The following ZMAT4 variants were observed in gnomAD, a reference collection of about 807,000 sequenced individuals.
The protein encoded by ZMAT4 is zinc finger matrin-type protein 4.
ZMAT4 carries 17 observed loss-of-function variants against 28.7 expected under a neutral mutation model. The observed-to-expected ratio is 0.59, with a 90% confidence interval of 0.41 to 0.89. The LOEUF is 0.89. Among genes scored for constraint, ZMAT4 ranks in the 40% least tolerant of loss-of-function variants. ZMAT4 has a pLI of 0.00. For missense variants in ZMAT4, 240 were observed against 283.8 expected (o/e 0.85, Z 1.11); for synonymous variants, 117 against 109.2 (o/e 1.07, Z -0.44).
At chr8:40,752,653 A>C (rs1563458532) in intron 3 of ZMAT4, among the ~76,000 whole-genome samples, 1 of 152,140 alleles carries the variant, frequency 6.6e-6, no homozygotes, top group Non-Finnish European at 1.5e-5. Flanking sequence ...CTTTGGTCTT[A>C]CACTAATTAT....
chr8:40,752,312 C>T (rs1812484416), intron 3 of ZMAT4, among the ~76,000 whole-genome samples: 1 of 152,204 alleles, frequency 6.6e-6, no homozygotes, highest in Non-Finnish European at 1.5e-5. Context: ...CTTGCCCTGA[C>T]TTCTCCTCCT....
chr8:40,555,085 T>C (rs1259174596), intron 6 of ZMAT4, among the ~76,000 whole-genome samples: 1 of 152,212 alleles, frequency 6.6e-6, no homozygotes, highest in Non-Finnish European at 1.5e-5. Flanking sequence ...TTTGCCTTTC[T>C]GTGCCTGGCT....
chr8:40,625,666 GGGA>G (rs1383584410), intron 5 of ZMAT4, among the ~76,000 whole-genome samples: 1 of 152,124 alleles, frequency 6.6e-6, no homozygotes, highest in East Asian at 1.9e-4. Flanking sequence ...GGGAGAGATG[GGGA>G]GGAGATCACT....
chr8:40,615,238 A>G (rs1805956326), intron 5 of ZMAT4, among the ~76,000 whole-genome samples: 1 of 152,164 alleles, frequency 6.6e-6, no homozygotes, highest in African/African-American at 2.4e-5. Flanking sequence ...TTCTTTAAGA[A>G]TGTTGAATAT....
intron 3 of ZMAT4, among the ~76,000 whole-genome samples, chr8:40,761,298 C>T (rs1030938636): frequency 1.3e-5 from 2 of 152,040 alleles, no homozygotes; most frequent in African/African-American, 4.8e-5. Context: ...GCTAATTTTT[C>T]AAAGGGGCTT....
intron 3 of ZMAT4, among the ~76,000 whole-genome samples, chr8:40,760,289 A>G (rs1812870864): frequency 6.6e-6 from 1 of 152,122 alleles, no homozygotes; most frequent in South Asian, 2.1e-4. Flanking sequence ...ACTTCCATAT[A>G]TGATCAGTCC....
At position 40,671,627 on chromosome 8, in the gene ZMAT4, T is replaced by C. The variant is rs571033366; in HGVS notation, c.577+3077A>G. Among the ~76,000 whole-genome samples, 5 of 152,222 alleles carry C rather than the reference T, an allele frequency of 3.3e-5. No individual in the cohort carries two copies. The East Asian group carries it at 7.7e-4, about 24-fold the overall frequency. ...TTTTAGAACAAGCAAAACTAATCTATGATGAAAAAATGAGAAAAGTGGTTC... is the reference window on the plus strand; with the variant it reads ...TTTTAGAACAAGCAAAACTAATCTACGATGAAAAAATGAGAAAAGTGGTTC... On this transcript the variant is annotated intron_variant, in intron 5 of 6. Transcript: ENST00000297737.
At chr8:40,536,536 C>A (rs776144074) in intron 6 of ZMAT4, among the ~76,000 whole-genome samples, 24 of 152,122 alleles carry the variant, frequency 1.6e-4, no homozygotes, top group Non-Finnish European at 2.9e-4. Flanking sequence ...CTCATTATTC[C>A]TTGCGATTAC....
chr8:40,532,797 A>T (rs182062847), intron 6 of ZMAT4, among the ~76,000 whole-genome samples: 2 of 152,268 alleles, frequency 1.3e-5, no homozygotes, highest in East Asian at 3.9e-4. Context: ...GGATATCAAG[A>T]CTATCCTGGC....
At chr8:40,589,720 C>CTT (rs1279672853) in intron 5 of ZMAT4, among the ~76,000 whole-genome samples, 9,101 of 138,356 alleles carry the variant, frequency 0.066, 609 homozygotes, top group East Asian at 0.41. Context: ...TTCCTTCTTC[C>CTT]TTCTTCCTTT....
intron 1 of ZMAT4, chr8:40,888,557 A>G (rs1818552912): frequency 6.6e-6 from 1 of 152,302 alleles, no homozygotes; most frequent in Non-Finnish European, 1.5e-5. Context: ...CATGCCCATC[A>G]GAGCCGTCAC....
At chr8:40,540,809 C>CTCTGAT (rs1310060137) in intron 6 of ZMAT4, among the ~76,000 whole-genome samples, 1 of 152,178 alleles carries the variant, frequency 6.6e-6, no homozygotes, top group Non-Finnish European at 1.5e-5. Flanking sequence ...TAGCAAACCT[C>CTCTGAT]TCTGATTCTG....
At chr8:40,883,361 C>T (rs1818344681) in intron 1 of ZMAT4, among the ~76,000 whole-genome samples, 1 of 152,172 alleles carries the variant, frequency 6.6e-6, no homozygotes, top group Non-Finnish European at 1.5e-5. Flanking sequence ...ATTAGGTGTT[C>T]CATTTCGTCA....
At chr8:40,735,379 G>A (rs1563445445) in intron 3 of ZMAT4, among the ~76,000 whole-genome samples, 1 of 152,066 alleles carries the variant, frequency 6.6e-6, no homozygotes, top group East Asian at 1.9e-4. Flanking sequence ...ACAAGACAAT[G>A]TTCTATACGT....
intron 1 of ZMAT4, among the ~76,000 whole-genome samples, chr8:40,835,732 G>A (rs540083544): frequency 1.3e-5 from 2 of 152,278 alleles, no homozygotes; most frequent in Admixed American, 6.5e-5. Flanking sequence ...AGGCACCGAC[G>A]AGACAGACCA....
intron 6 of ZMAT4, among the ~76,000 whole-genome samples, chr8:40,549,516 C>T (rs1336508189): frequency 1.3e-5 from 2 of 152,144 alleles, no homozygotes; most frequent in African/African-American, 4.8e-5. Flanking sequence ...TTCATGCAAT[C>T]TTTTGATGAG....
intron 1 of ZMAT4, among the ~76,000 whole-genome samples, chr8:40,854,070 C>CT (rs906111357): frequency 6.6e-6 from 1 of 152,122 alleles, no homozygotes; most frequent in African/African-American, 2.4e-5. Flanking sequence ...GAGCCAGTCT[C>CT]TTTTTAACAA....
At position 40,771,575 on chromosome 8, in the gene ZMAT4, A is replaced by T. The variant is rs537660664; in HGVS notation, c.103-3845T>A. ...GGTATAATTGTCCACATTTTCATCAACCCTTGTTAATGTCTTATTAACATT... is the reference window on the plus strand; with the variant it reads ...GGTATAATTGTCCACATTTTCATCATCCCTTGTTAATGTCTTATTAACATT... On this transcript the variant is annotated intron_variant, in intron 2 of 6. Coordinates refer to ENST00000297737, the MANE Select transcript of ZMAT4 (RefSeq NM_024645.3). Among the ~76,000 whole-genome samples, 5 of 152,288 alleles carry T rather than the reference A, an allele frequency of 3.3e-5. No homozygotes were observed. In the East Asian group the frequency reaches 9.6e-4, roughly 29 times the overall value.
intron 6 of ZMAT4, among the ~76,000 whole-genome samples, chr8:40,556,202 C>T (rs1193597281): frequency 6.6e-6 from 1 of 152,136 alleles, no homozygotes; most frequent in African/African-American, 2.4e-5. Context: ...GTTTTAACTA[C>T]CGCTAGATGA....
Sources: gnomAD v4.1 joint callset for allele counts (sites outside exome capture counted in the v4.1 genomes callset) on GRCh38, gnomAD v4.1.1 for gene constraint, MANE v1.5 for transcripts, NCBI Gene and HGNC (gene_info 2026-07-23, HGNC 2026-07-21) for gene names.